The following SRCIN1 variants were observed in gnomAD, a reference collection of about 807,000 sequenced individuals.
SRCIN1 encodes the protein SRC kinase signaling inhibitor 1.
SRCIN1 carries 50 observed loss-of-function variants against 116.2 expected under a neutral mutation model. That is an observed-to-expected ratio of 0.43 (90% CI 0.34 to 0.54). SRCIN1 has a LOEUF of 0.54. Ranked by LOEUF, SRCIN1 falls within the 20% of genes least tolerant of loss-of-function variation. The pLI is 0.02. For missense variants in SRCIN1, 1,446 were observed against 1,672.0 expected, an observed-to-expected ratio of 0.86 and a Z score of 2.36; for synonymous variants, 736 against 750.0, an observed-to-expected ratio of 0.98 and a Z score of 0.30.
At chr17:38,574,858 T>A (rs962927144) in intron 2 of SRCIN1, 2 of 392,392 alleles carry the variant, frequency 5.1e-6, no homozygotes, top group Admixed American at 9.1e-5. Context: ...GGGGGTGGGG[T>A]GGAGGTGGGT....
chr17:38,535,601 G>A lies in SRCIN1; in HGVS notation c.3418-2170C>T, dbSNP rs1037964665. Among the ~76,000 whole-genome samples the A allele has an allele frequency of 1.1e-4, 16 of 152,220 alleles. No homozygotes were observed. In the South Asian group the frequency reaches 2.5e-3, roughly 24 times the overall value. On this transcript the variant is annotated intron_variant, in intron 18 of 18. Transcript: ENST00000617146. ...CCAGCCACAGGGTCGTCAGATTCAC[G>A]CAGTCCTCAGCATGTGTCAGGCATG...
chr17:38,538,452 A>T (rs946263940), intron 18 of SRCIN1, among the ~76,000 whole-genome samples: 12 of 151,218 alleles, frequency 7.9e-5, no homozygotes, highest in East Asian at 1.9e-4. Context: ...ATAATAATAA[A>T]ATAATAAAAA....
At chr17:38,601,572 T>A (rs1384545677) in intron 1 of SRCIN1, among the ~76,000 whole-genome samples, 1 of 151,766 alleles carries the variant, frequency 6.6e-6, no homozygotes, top group Non-Finnish European at 1.5e-5. Context: ...AAGAGCCCAA[T>A]GTCAGGGCAA....
At chr17:38,599,676 A>G (rs1908916377) in intron 1 of SRCIN1, among the ~76,000 whole-genome samples, 1 of 152,170 alleles carries the variant, frequency 6.6e-6, no homozygotes, top group Non-Finnish European at 1.5e-5. Flanking sequence ...GCAGAGATGG[A>G]GGCAGGGGGA....
chr17:38,597,591 G>C (rs535336575), intron 1 of SRCIN1, among the ~76,000 whole-genome samples: 29 of 152,234 alleles, frequency 1.9e-4, no homozygotes, highest in Non-Finnish European at 4.0e-4. Context: ...CAGAAACTGA[G>C]CTTCAGAAAG....
At chr17:38,570,174 G>A (rs186664362) in intron 2 of SRCIN1, among the ~76,000 whole-genome samples, 1 of 152,126 alleles carries the variant, frequency 6.6e-6, no homozygotes, top group East Asian at 1.9e-4. Context: ...CTAAGAGAGG[G>A]GCTCCCCAGT....
At chr17:38,590,664 T>G (rs1047199697) in intron 1 of SRCIN1, among the ~76,000 whole-genome samples, 45 of 152,234 alleles carry the variant, frequency 3.0e-4, no homozygotes, top group African/African-American at 1.0e-3. Flanking sequence ...GTGAAGAAAC[T>G]GAGGCTCAGG....
chr17:38,559,940 G>A (rs1480307689), intron 9 of SRCIN1, 114 bp downstream of exon 9: 1 of 1,353,898 alleles, frequency 7.4e-7, no homozygotes, highest in African/African-American at 1.4e-5. Context: ...AAAGTGCCAG[G>A]AAAAAGACCT....
At position 38,602,674 on chromosome 17, in the gene SRCIN1, G is replaced by C. The variant is rs1909121966; in HGVS notation, c.22+3010C>G. On this transcript the variant is annotated intron_variant, in intron 1 of 18. Transcript: ENST00000617146. The surrounding 1 kb of genome is among the most constrained non-coding windows in gnomAD (Gnocchi z 4.2). ...GAAAGAAAACAGATTTCCTTGCCAG[G>C]GCTTGGAGGAGATAAATGCTTGAGA... 1.3e-5 allele frequency: 2 copies of C among 152,220 alleles called. No homozygotes were observed. Among genetic ancestry groups the C allele is most frequent in the African/African-American group, 4.8e-5 (2 of 41,420 alleles). 9.4% of individuals were successfully genotyped at this position (152,220 alleles called of 1,614,324 possible).
intron 14 of SRCIN1, 196 bp from the exon 15 acceptor site, chr17:38,551,585 T>C (rs573403916): frequency 1.6e-6 from 1 of 640,598 alleles, no homozygotes. Flanking sequence ...CCACCCTCAT[T>C]ATATACTACA....
At chr17:38,551,460 TC>T in intron 14 of SRCIN1, 71 bp from the exon 15 acceptor site, 3 of 1,327,270 alleles carry the variant, frequency 2.3e-6, no homozygotes, top group Non-Finnish European at 1.0e-6. Context: ...CTCAGCCTCC[TC>T]CCCCAAGCCA....
At position 38,533,406 on chromosome 17, in the gene SRCIN1, C is replaced by T. The variant is rs2040953074; in HGVS notation, c.3443G>A (p.Ser1148Asn). Residue 1148 changes from serine to asparagine, a missense_variant, in exon 19 of 19, where the codon AGC becomes AAC. Transcript: ENST00000617146. ...TGGGCTCGAGGTCTCATTCGACCCG[C>T]TCATCTCTTTAGATGGTTTAGTGGC... is the stretch of plus-strand genomic sequence containing the variant. ...QQATKPSKEMSGSNETSSPVS... is the reference protein window; with the variant it reads ...QQATKPSKEMNGSNETSSPVS... The T allele has an allele frequency of 1.2e-6, 2 of 1,612,966 alleles. No individual in the cohort carries two copies. The highest frequency in any genetic ancestry group is 2.7e-5 in the African/African-American group (2 of 74,838).
At chr17:38,551,792 C>T (rs1229834308) in intron 14 of SRCIN1, 94 bp downstream of exon 14, 1 of 1,596,890 alleles carries the variant, frequency 6.3e-7, no homozygotes, top group Non-Finnish European at 8.5e-7. Context: ...AGGAAAAAGA[C>T]CCACAGGATT....
chr17:38,581,426 GAAAAAAGA>G (rs201872783), intron 1 of SRCIN1, among the ~76,000 whole-genome samples: 3,489 of 109,542 alleles, frequency 0.032, 165 homozygotes, highest in African/African-American at 0.11. Context: ...AAAGAAAAAA[GAAAAAAGA>G]AAAAAAAAAG....
chr17:38,563,987 G>C lies in SRCIN1; in HGVS notation c.541+131C>G. ...GGAGAGAGCTGGGGTTGCTTGGGGA[G>C]AAGGGGCTGTGGGAAAGAGAGCAGA... On this transcript the variant is annotated intron_variant, in intron 4 of 18. Coordinates refer to ENST00000617146, the MANE Select transcript of SRCIN1 (RefSeq NM_025248.3). This position sits in a 1 kb window ranked among gnomAD's most constrained non-coding sequence, Gnocchi z 5.8. 1 of 1,057,792 alleles carries C rather than the reference G, an allele frequency of 9.5e-7. No homozygotes were observed. The highest frequency in any genetic ancestry group is 1.4e-6 in the Non-Finnish European group (1 of 732,132). 65.5% of individuals were successfully genotyped at this position (1,057,792 alleles called of 1,614,324 possible). A position where few individuals can be genotyped will look rare whatever the true frequency, so the allele number is the denominator to read the frequency against.
intron 14 of SRCIN1, chr17:38,551,640 C>T: frequency 1.5e-6 from 1 of 661,222 alleles, no homozygotes; most frequent in African/African-American, 1.8e-5. Flanking sequence ...TATTGTTTCA[C>T]TGACTACATA....
At chr17:38,598,751 G>A (rs1908857994) in intron 1 of SRCIN1, among the ~76,000 whole-genome samples, 1 of 152,246 alleles carries the variant, frequency 6.6e-6, no homozygotes, top group South Asian at 2.1e-4. Flanking sequence ...AGGCTGTGGG[G>A]GAGCTGAGCC....
intron 1 of SRCIN1, among the ~76,000 whole-genome samples, chr17:38,583,953 TC>T (rs10707739): frequency 0.27 from 41,544 of 151,970 alleles, 6,551 homozygotes; most frequent in African/African-American, 0.44. Flanking sequence ...CATCAGCAAG[TC>T]CTCGGAGTGG....
chr17:38,580,145 T>G (rs184524851), intron 1 of SRCIN1, among the ~76,000 whole-genome samples: 94 of 152,072 alleles, frequency 6.2e-4, no homozygotes, highest in South Asian at 5.4e-3. Flanking sequence ...CAGCCAGGTT[T>G]GCTACAAGCC....
Sources: allele counts gnomAD v4.1 joint callset (sites outside exome capture counted in the v4.1 genomes callset), GRCh38; gene constraint gnomAD v4.1.1; non-coding constraint Gnocchi (gnomAD v3.1); transcripts MANE v1.5; gene names NCBI Gene and HGNC (gene_info 2026-07-23, HGNC 2026-07-21).